Variants in NUBPL observed in about 807,000 individuals in gnomAD.
NUBPL encodes iron-sulfur cluster transfer protein NUBPL.
Under a neutral mutation model 45.7 loss-of-function variants are expected in NUBPL, and 31 were observed. That is an observed-to-expected ratio of 0.68 (90% CI 0.51 to 0.92). NUBPL has a LOEUF of 0.92. NUBPL is among the 40% of genes least tolerant of loss of function. NUBPL has a pLI of 0.00. For missense variants in NUBPL, 401 were observed against 398.7 expected (o/e 1.01, Z -0.05); for synonymous variants, 144 against 140.9 (o/e 1.02, Z -0.15).
intron 6 of NUBPL, among the ~76,000 whole-genome samples, chr14:31,708,409 C>T (rs868221892): frequency 7.2e-5 from 11 of 152,300 alleles, no homozygotes; most frequent in Non-Finnish European, 1.2e-4. Context: ...TTTATTCCCT[C>T]TTCAGGTAGG....
intron 6 of NUBPL, among the ~76,000 whole-genome samples, chr14:31,691,365 A>G (rs1381972883): frequency 6.6e-6 from 1 of 152,234 alleles, no homozygotes; most frequent in Non-Finnish European, 1.5e-5. Context: ...AATATGTGGT[A>G]ATGACTGACT....
intron 6 of NUBPL, among the ~76,000 whole-genome samples, chr14:31,678,987 C>CG: frequency 6.6e-6 from 1 of 152,316 alleles, no homozygotes; most frequent in African/African-American, 2.4e-5. Context: ...AGCGATTCCC[C>CG]TCTGGTTAGG....
At chr14:31,721,833 C>T (rs898280737) in intron 6 of NUBPL, among the ~76,000 whole-genome samples, 1 of 152,014 alleles carries the variant, frequency 6.6e-6, no homozygotes, top group African/African-American at 2.4e-5. Context: ...GTTCTCATCT[C>T]TTAGCTCCCT....
At chr14:31,777,631 C>T (rs2039119803) in intron 6 of NUBPL, among the ~76,000 whole-genome samples, 1 of 152,182 alleles carries the variant, frequency 6.6e-6, no homozygotes, top group African/African-American at 2.4e-5. Context: ...AGGGTTAAGC[C>T]AGCTGAAAAC....
chr14:31,788,901 G>T (rs2039330923), intron 7 of NUBPL, among the ~76,000 whole-genome samples: 2 of 152,174 alleles, frequency 1.3e-5, no homozygotes, highest in Non-Finnish European at 2.9e-5. Flanking sequence ...GTATAAATCT[G>T]TGTTCTAGAA....
At chr14:31,770,919 C>G (rs757292337) in intron 6 of NUBPL, among the ~76,000 whole-genome samples, 1 of 152,106 alleles carries the variant, frequency 6.6e-6, no homozygotes, top group South Asian at 2.1e-4. Flanking sequence ...CAGTTGATTT[C>G]TTATTTGCTA....
At chr14:31,843,822 ACT>A (rs1176796271) in intron 8 of NUBPL, 1 of 152,074 alleles carries the variant, frequency 6.6e-6, no homozygotes, top group Non-Finnish European at 1.5e-5. Context: ...TCTGTTCTAC[ACT>A]CTCATAATAC....
At chr14:31,579,945 T>C (rs2033819325) in intron 3 of NUBPL, among the ~76,000 whole-genome samples, 1 of 152,246 alleles carries the variant, frequency 6.6e-6, no homozygotes, top group South Asian at 2.1e-4. Flanking sequence ...CTGATTGCAC[T>C]GTGAAGGATT....
chr14:31,596,133 C>T (rs2034277228), intron 3 of NUBPL, among the ~76,000 whole-genome samples: 1 of 152,038 alleles, frequency 6.6e-6, no homozygotes. Flanking sequence ...ATTTTGATCT[C>T]CTGACCTTGT....
At chr14:31,660,376 C>T (rs2036240937) in intron 4 of NUBPL, among the ~76,000 whole-genome samples, 1 of 152,088 alleles carries the variant, frequency 6.6e-6, no homozygotes, top group African/African-American at 2.4e-5. Context: ...GCATGTGACT[C>T]CTTTTCTTGC....
At chr14:31,810,212 T>C (rs1044899006) in intron 7 of NUBPL, among the ~76,000 whole-genome samples, 3 of 152,156 alleles carry the variant, frequency 2.0e-5, no homozygotes, top group Non-Finnish European at 2.9e-5. Flanking sequence ...ATGTTGACAG[T>C]GGGGTGTTAA....
intron 6 of NUBPL, among the ~76,000 whole-genome samples, chr14:31,730,142 AT>A (rs2038018122): frequency 6.6e-6 from 1 of 152,262 alleles, no homozygotes; most frequent in African/African-American, 2.4e-5. Context: ...TGGATAAAAT[AT>A]GAAAAATAGA....
intron 4 of NUBPL, among the ~76,000 whole-genome samples, chr14:31,634,645 A>T (rs1360407687): frequency 1.3e-5 from 2 of 152,088 alleles, no homozygotes; most frequent in East Asian, 3.9e-4. Flanking sequence ...CTAGTTCTAG[A>T]TCCCTGAGGA....
At chr14:31,611,647 A>C (rs2034761354) in intron 4 of NUBPL, among the ~76,000 whole-genome samples, 1 of 152,224 alleles carries the variant, frequency 6.6e-6, no homozygotes, top group Non-Finnish European at 1.5e-5. Flanking sequence ...AACTGGAGGG[A>C]TCACATTACC....
intron 6 of NUBPL, among the ~76,000 whole-genome samples, chr14:31,754,547 T>A (rs1466717017): frequency 2.0e-5 from 3 of 150,872 alleles, no homozygotes; most frequent in African/African-American, 7.3e-5. Context: ...ATCTATAGAT[T>A]TAGAAGATTG....
At chr14:31,616,749 A>G (rs2034911988) in intron 4 of NUBPL, among the ~76,000 whole-genome samples, 1 of 152,140 alleles carries the variant, frequency 6.6e-6, no homozygotes, top group Non-Finnish European at 1.5e-5. Flanking sequence ...TGTCTTGTCT[A>G]TATGGGCTCT....
chr14:31,773,316 A>G (rs1231354767), intron 6 of NUBPL, among the ~76,000 whole-genome samples: 2 of 152,188 alleles, frequency 1.3e-5, no homozygotes, highest in African/African-American at 2.4e-5. Context: ...CATGGCAAAA[A>G]TTTTAATTTT....
chr14:31,753,853 A>G (rs982873111), intron 6 of NUBPL, among the ~76,000 whole-genome samples: 1 of 152,140 alleles, frequency 6.6e-6, no homozygotes, highest in Admixed American at 6.5e-5. Context: ...AAGTACAGTC[A>G]TTTATTTGTT....
At chr14:31,803,183 C>T (rs1033008271) in intron 7 of NUBPL, among the ~76,000 whole-genome samples, 1 of 152,178 alleles carries the variant, frequency 6.6e-6, no homozygotes, top group Non-Finnish European at 1.5e-5. Context: ...AAATGAATGA[C>T]CCATGCACCA....
Sources: gnomAD v4.1 joint callset for allele counts (sites outside exome capture counted in the v4.1 genomes callset) on GRCh38, gnomAD v4.1.1 for gene constraint, MANE v1.5 for transcripts, NCBI Gene and HGNC (gene_info 2026-07-23, HGNC 2026-07-21) for gene names.